The following PTPRM variants were observed in gnomAD, a reference collection of about 807,000 sequenced individuals.
PTPRM encodes the protein receptor-type tyrosine-protein phosphatase mu.
In PTPRM, 47 loss-of-function variants were observed where a neutral mutation model predicts 186.7. The observed-to-expected ratio is 0.25, with a 90% CI of 0.20 to 0.32. The LOEUF is 0.32. PTPRM is among the 10% of genes least tolerant of loss of function. The pLI is 1.00. For missense variants in PTPRM, 1,494 were observed against 1,865.0 expected, an observed-to-expected ratio of 0.80 and a Z score of 3.66; for synonymous variants, 668 against 674.9, an observed-to-expected ratio of 0.99 and a Z score of 0.16.
chr18:7,604,291 GC>G (rs2037476637), intron 1 of PTPRM, among the ~76,000 whole-genome samples: 1 of 152,198 alleles, frequency 6.6e-6, no homozygotes, highest in African/African-American at 2.4e-5. Flanking sequence ...CACAGCGGCT[GC>G]CTGGCCACAT....
At chr18:8,368,484 G>A (rs113908246) in intron 23 of PTPRM, among the ~76,000 whole-genome samples, 2,242 of 152,164 alleles carry the variant, frequency 0.015, 60 homozygotes, top group African/African-American at 0.051. Context: ...TCCAAAGAAG[G>A]CTGAGCACTT....
At chr18:8,158,229 G>A (rs1287190718) in intron 14 of PTPRM, among the ~76,000 whole-genome samples, 1 of 152,214 alleles carries the variant, frequency 6.6e-6, no homozygotes, top group Non-Finnish European at 1.5e-5. Flanking sequence ...TATTGAGAGA[G>A]GGCTGCATAA....
chr18:8,036,100 A>G (rs2086310299), intron 7 of PTPRM, among the ~76,000 whole-genome samples: 2 of 152,216 alleles, frequency 1.3e-5, no homozygotes, highest in South Asian at 2.1e-4. Flanking sequence ...GGTTGCATCA[A>G]CTGGTGGTGG....
chr18:8,325,474 T>C (rs2095370033), intron 22 of PTPRM, among the ~76,000 whole-genome samples: 1 of 152,210 alleles, frequency 6.6e-6, no homozygotes, highest in Admixed American at 6.5e-5. Context: ...GCTTTATCCA[T>C]GTTGCTGCAA....
chr18:8,240,622 A>G (rs8089570), intron 14 of PTPRM, among the ~76,000 whole-genome samples: 26,951 of 62,770 alleles, frequency 0.43, 5,076 homozygotes, highest in African/African-American at 0.58. Flanking sequence ...AGGGAGGGAG[A>G]GAGAGAGAGA....
At chr18:8,038,728 A>G (rs2086505023) in intron 7 of PTPRM, among the ~76,000 whole-genome samples, 1 of 152,090 alleles carries the variant, frequency 6.6e-6, no homozygotes, top group Non-Finnish European at 1.5e-5. Flanking sequence ...CCGTATTTCC[A>G]AGCATCTTAT....
intron 1 of PTPRM, among the ~76,000 whole-genome samples, chr18:7,655,417 G>A (rs1474534186): frequency 6.6e-6 from 1 of 152,166 alleles, no homozygotes; most frequent in Non-Finnish European, 1.5e-5. Context: ...ATGCTGGCAA[G>A]GATGTGGAAC....
At chr18:7,908,207 T>G (rs2050092925) in intron 4 of PTPRM, among the ~76,000 whole-genome samples, 1 of 152,192 alleles carries the variant, frequency 6.6e-6, no homozygotes, top group Non-Finnish European at 1.5e-5. Flanking sequence ...CATGGTAGCT[T>G]TATTTTCCCT....
At chr18:7,628,165 A>C (rs953961787) in intron 1 of PTPRM, among the ~76,000 whole-genome samples, 1 of 152,008 alleles carries the variant, frequency 6.6e-6, no homozygotes, top group Non-Finnish European at 1.5e-5. Context: ...CACACACACA[A>C]ACACACATGC....
chr18:7,961,764 C>T (rs1243799289), intron 7 of PTPRM, among the ~76,000 whole-genome samples: 20 of 152,114 alleles, frequency 1.3e-4, no homozygotes, highest in Non-Finnish European at 1.5e-5. Flanking sequence ...GAAGTATACA[C>T]ATTTTTATAA....
At chr18:8,112,244 T>A (rs1470765731) in intron 11 of PTPRM, among the ~76,000 whole-genome samples, 1 of 152,234 alleles carries the variant, frequency 6.6e-6, no homozygotes, top group Non-Finnish European at 1.5e-5. Context: ...TTAGACAGAA[T>A]TACCAACGAA....
rs766383223 is a variant in PTPRM, at chr18:8,387,050, A to G, written c.4045-22A>G. ...ATGCCTGTTTTCTTTCCACTCCCCG[A>G]TTGTTGCCTTGTTCTTCGTAGCCCC... On this transcript the variant is annotated intron_variant, in intron 30 of 32. Transcript: ENST00000580170. 5.1e-6 allele frequency: 8 copies of G among 1,571,716 alleles called. No homozygotes were observed. The Admixed American group carries it at 1.3e-4, about 26-fold the overall frequency.
chr18:8,259,796 C>T (rs1291451375), intron 19 of PTPRM, among the ~76,000 whole-genome samples: 10 of 151,914 alleles, frequency 6.6e-5, no homozygotes, highest in African/African-American at 2.2e-4. Flanking sequence ...TACAGGCACA[C>T]GCCACCACTC....
At chr18:8,037,174 G>C (rs1009007511) in intron 7 of PTPRM, among the ~76,000 whole-genome samples, 2 of 152,148 alleles carry the variant, frequency 1.3e-5, no homozygotes, top group Non-Finnish European at 2.9e-5. Context: ...CAGACTAAAG[G>C]TTTCTTCAAA....
At chr18:7,953,076 C>T (rs2053081911) in intron 6 of PTPRM, among the ~76,000 whole-genome samples, 1 of 152,234 alleles carries the variant, frequency 6.6e-6, no homozygotes, top group Admixed American at 6.5e-5. Flanking sequence ...TTTTGAATGT[C>T]TGTCCCAATT....
chr18:8,261,185 T>C (rs1175561354), intron 19 of PTPRM, among the ~76,000 whole-genome samples: 1 of 152,188 alleles, frequency 6.6e-6, no homozygotes, highest in Non-Finnish European at 1.5e-5. Flanking sequence ...TGCAGGTTGT[T>C]TTCTGTCCCA....
chr18:8,307,309 C>T (rs1893609694), intron 20 of PTPRM, among the ~76,000 whole-genome samples: 1 of 152,154 alleles, frequency 6.6e-6, no homozygotes, highest in Admixed American at 6.5e-5. Context: ...TGATGATCAG[C>T]CTGCTGCTCT....
intron 14 of PTPRM, among the ~76,000 whole-genome samples, chr18:8,188,894 A>C (rs140498310): frequency 1.0e-3 from 156 of 152,340 alleles, no homozygotes; most frequent in African/African-American, 3.6e-3. Context: ...GCATAAATAT[A>C]AGTCATAAGC....
At chr18:8,379,709 G>A (rs1568867991) in intron 28 of PTPRM, among the ~76,000 whole-genome samples, 1 of 152,158 alleles carries the variant, frequency 6.6e-6, no homozygotes, top group African/African-American at 2.4e-5. Context: ...TAACATAGGG[G>A]AAAGTTCAAC....
Sources: gnomAD v4.1 joint callset for allele counts (sites outside exome capture counted in the v4.1 genomes callset) on GRCh38, gnomAD v4.1.1 for gene constraint, MANE v1.5 for transcripts, NCBI Gene and HGNC (gene_info 2026-07-23, HGNC 2026-07-21) for gene names.